FHIT: variants seen among roughly 807,000 people sequenced by gnomAD.
FHIT encodes fragile histidine triad diadenosine triphosphatase.
A neutral mutation model predicts 17.9 loss-of-function variants in FHIT; 19 were observed. The observed-to-expected ratio is 1.06, with a 90% CI of 0.74 to 1.56. FHIT has a LOEUF of 1.56. FHIT is among the 40% of genes most tolerant of loss of function. The probability of loss-of-function intolerance (pLI) is 0.00; values close to 1 mark genes in which losing one functional copy is unlikely to be tolerated. For synonymous variants in FHIT, 81 were observed against 69.7 expected (o/e 1.16, Z -0.81); for missense variants, 248 against 189.2 (o/e 1.31, Z -1.82).
chr3:60,966,462 G>C (rs1352650917), intron 3 of FHIT, among the ~76,000 whole-genome samples: 1 of 152,232 alleles, frequency 6.6e-6, no homozygotes, highest in Non-Finnish European at 1.5e-5. Context: ...GCCCCAGTGA[G>C]ATGAACCGGG....
chr3:60,997,052 C>T (rs1019546687), intron 3 of FHIT, among the ~76,000 whole-genome samples: 13 of 152,202 alleles, frequency 8.5e-5, no homozygotes, highest in African/African-American at 2.9e-4. Flanking sequence ...CTCCACATTG[C>T]AGGCCTGTGT....
At chr3:60,821,673 A>G (rs552708934) in intron 4 of FHIT, among the ~76,000 whole-genome samples, 5 of 152,336 alleles carry the variant, frequency 3.3e-5, no homozygotes, top group Non-Finnish European at 7.3e-5. Flanking sequence ...TGCTTTCTTC[A>G]GAAAGTGAAG....
intron 5 of FHIT, among the ~76,000 whole-genome samples, chr3:60,268,875 G>T (rs1053054478): frequency 2.0e-5 from 3 of 152,042 alleles, no homozygotes; most frequent in Non-Finnish European, 4.4e-5. Flanking sequence ...TAATCACAAG[G>T]GTCCTTAAAA....
chr3:60,115,319 G>C lies in FHIT; in HGVS notation c.104-101167C>G, dbSNP rs545844989. Among the ~76,000 whole-genome samples, 52 of 152,178 alleles carry C rather than the reference G, an allele frequency of 3.4e-4. 1 individual carries two copies. The South Asian group carries it at 0.01, about 30-fold the overall frequency. On this transcript the variant is annotated intron_variant, in intron 5 of 9. Coordinates refer to ENST00000492590, the MANE Select transcript of FHIT (RefSeq NM_002012.4). The stretch of plus-strand genomic sequence containing the variant: ...ACAGAGTGCTATTCAAATCAATATG[G>C]TACAAATCCTTTATTAGAAAACTAA...
At chr3:60,285,265 T>A (rs944766759) in intron 5 of FHIT, among the ~76,000 whole-genome samples, 2 of 152,088 alleles carry the variant, frequency 1.3e-5, no homozygotes, top group African/African-American at 4.8e-5. Flanking sequence ...TAAGATTTTT[T>A]AAAAAAATAA....
At chr3:59,925,064 T>C (rs966612312) in intron 7 of FHIT, among the ~76,000 whole-genome samples, 6 of 152,076 alleles carry the variant, frequency 3.9e-5, no homozygotes, top group Middle Eastern at 3.4e-3. Context: ...CTTTTTTCTT[T>C]TCCTTCTTCT....
chr3:59,962,718 T>A (rs1431711566), intron 7 of FHIT, among the ~76,000 whole-genome samples: 1 of 152,200 alleles, frequency 6.6e-6, no homozygotes, highest in South Asian at 2.1e-4. Context: ...AAACAGTGAG[T>A]ATTTTCTTGG....
intron 3 of FHIT, among the ~76,000 whole-genome samples, chr3:61,015,520 T>C (rs1423448311): frequency 6.6e-6 from 1 of 152,188 alleles, no homozygotes; most frequent in Non-Finnish European, 1.5e-5. Flanking sequence ...AGTAATTACA[T>C]TAAGAACTTG....
intron 4 of FHIT, among the ~76,000 whole-genome samples, chr3:60,807,512 C>T (rs140268178): frequency 0.011 from 1,628 of 152,198 alleles, 15 homozygotes; most frequent in Non-Finnish European, 0.016. Flanking sequence ...CGCCAGAGCC[C>T]GGGAGGTAGA....
intron 7 of FHIT, among the ~76,000 whole-genome samples, chr3:59,938,891 G>A (rs2107259659): frequency 6.6e-6 from 1 of 152,236 alleles, no homozygotes; most frequent in Middle Eastern, 3.4e-3. Flanking sequence ...CCAGTTTTAT[G>A]GGGACCTCCT....
chr3:60,371,896 G>A (rs150333611), intron 5 of FHIT, among the ~76,000 whole-genome samples: 51 of 149,738 alleles, frequency 3.4e-4, no homozygotes, highest in African/African-American at 1.2e-3. Flanking sequence ...ATCAAATGGA[G>A]CTTTCTGTAC....
At chr3:60,555,127 G>C (rs1225610416) in intron 4 of FHIT, among the ~76,000 whole-genome samples, 2 of 152,176 alleles carry the variant, frequency 1.3e-5, no homozygotes, top group African/African-American at 4.8e-5. Context: ...CTGTTTATTA[G>C]CATATGGAAA....
intron 2 of FHIT, among the ~76,000 whole-genome samples, chr3:61,123,243 A>T (rs2036510833): frequency 6.6e-6 from 1 of 152,146 alleles, no homozygotes; most frequent in South Asian, 2.1e-4. Flanking sequence ...CAGCAAACTA[A>T]CACAGGAACA....
chr3:60,090,859 C>T (rs1041790707), intron 5 of FHIT, among the ~76,000 whole-genome samples: 3 of 152,150 alleles, frequency 2.0e-5, no homozygotes, highest in Admixed American at 6.6e-5. Flanking sequence ...GTTGTCTGAG[C>T]TCTGGGGTCG....
chr3:60,408,739 C>T (rs1039359357), intron 5 of FHIT, among the ~76,000 whole-genome samples: 1 of 152,076 alleles, frequency 6.6e-6, no homozygotes, highest in Admixed American at 6.6e-5. Flanking sequence ...ATAGGAGATA[C>T]TACAGAAATT....
At chr3:59,989,022 G>A (rs1396398819) in intron 7 of FHIT, among the ~76,000 whole-genome samples, 1 of 152,086 alleles carries the variant, frequency 6.6e-6, no homozygotes, top group Non-Finnish European at 1.5e-5. Flanking sequence ...TTGAGGAGCA[G>A]TTTGGGGTAG....
intron 8 of FHIT, among the ~76,000 whole-genome samples, chr3:59,798,876 G>C (rs1440154348): frequency 6.6e-6 from 1 of 152,202 alleles, no homozygotes; most frequent in African/African-American, 2.4e-5. Context: ...AGAGAGTAAG[G>C]GCTATTCTTC....
At chr3:61,225,591 AC>A (rs1261166036) in intron 1 of FHIT, among the ~76,000 whole-genome samples, 2 of 152,228 alleles carry the variant, frequency 1.3e-5, no homozygotes, top group Non-Finnish European at 2.9e-5. Context: ...AGCGTTATAT[AC>A]TTTCTGCGGT....
chr3:60,177,739 T>C, intron 5 of FHIT, among the ~76,000 whole-genome samples: 1 of 152,238 alleles, frequency 6.6e-6, no homozygotes, highest in East Asian at 1.9e-4. Flanking sequence ...GATATGATCA[T>C]CTACCTTTCA....
Sources: allele counts gnomAD v4.1 joint callset (sites outside exome capture counted in the v4.1 genomes callset), GRCh38; gene constraint gnomAD v4.1.1; transcripts MANE v1.5; gene names NCBI Gene and HGNC (gene_info 2026-07-23, HGNC 2026-07-21).